CSNK2A2IP: variants seen among roughly 807,000 people sequenced by gnomAD.
CSNK2A2IP encodes casein kinase 2 subunit alpha' interacting protein, also known as casein kinase II subunit alpha'-interacting protein.
At chr3:88,452,478 A>G in the CSNK2A2IP span, among the ~76,000 whole-genome samples, 2 of 152,152 alleles carry the variant, frequency 1.3e-5, no homozygotes, top group Admixed American at 6.5e-5. Flanking sequence ...CAAGGTGAGG[A>G]TAGAGAATAT....
At chr3:88,467,594 T>C in the CSNK2A2IP span, 1 of 398,348 alleles carries the variant, frequency 2.5e-6, no homozygotes, top group Non-Finnish European at 4.4e-6. Flanking sequence ...TTTAGTCTGT[T>C]TGAAGGCATT....
chr3:88,425,529 T>G, the CSNK2A2IP span, among the ~76,000 whole-genome samples: 1 of 152,158 alleles, frequency 6.6e-6, no homozygotes, highest in Non-Finnish European at 1.5e-5. Context: ...GAATTCTGTT[T>G]TCTTGTCAAT....
the CSNK2A2IP span, among the ~76,000 whole-genome samples, chr3:88,358,676 CTGTGA>C: frequency 6.6e-6 from 1 of 152,090 alleles, no homozygotes; most frequent in Non-Finnish European, 1.5e-5. Flanking sequence ...CCTTGCATCT[CTGTGA>C]TGAATCCCAC....
the CSNK2A2IP span, among the ~76,000 whole-genome samples, chr3:88,354,782 A>G: frequency 6.6e-6 from 1 of 152,212 alleles, no homozygotes; most frequent in African/African-American, 2.4e-5. Flanking sequence ...AGCTCTAAAG[A>G]TATACTAAAG....
chr3:88,343,611 A>G, the CSNK2A2IP span, among the ~76,000 whole-genome samples: 6 of 151,972 alleles, frequency 3.9e-5, no homozygotes, highest in East Asian at 1.2e-3. Flanking sequence ...CTGATAATAA[A>G]ATATAAATTA....
chr3:88,388,903 A>C, the CSNK2A2IP span, among the ~76,000 whole-genome samples: 4 of 151,698 alleles, frequency 2.6e-5, no homozygotes. Flanking sequence ...GCACCAATTG[A>C]CTCATTCATT....
chr3:88,433,982 T>A, the CSNK2A2IP span, among the ~76,000 whole-genome samples: 1 of 152,138 alleles, frequency 6.6e-6, no homozygotes, highest in South Asian at 2.1e-4. Flanking sequence ...ATCACGCTGT[T>A]AAAAAATGTG....
the CSNK2A2IP span, among the ~76,000 whole-genome samples, chr3:88,451,774 A>G: frequency 2.1e-5 from 3 of 142,810 alleles, no homozygotes; most frequent in South Asian, 4.4e-4. Flanking sequence ...CTGAATTTAT[A>G]TTTATTCTTA....
chr3:88,434,741 G>A, the CSNK2A2IP span, among the ~76,000 whole-genome samples: 2 of 152,076 alleles, frequency 1.3e-5, no homozygotes, highest in Admixed American at 6.6e-5. Context: ...AGAAAATGAA[G>A]CCACTCACAG....
chr3:88,414,247 A>G, the CSNK2A2IP span, among the ~76,000 whole-genome samples: 8 of 142,032 alleles, frequency 5.6e-5, no homozygotes, highest in South Asian at 1.8e-3. Context: ...AACCTAAAAT[A>G]TCAGCAAAAT....
chr3:88,361,633 A>G, the CSNK2A2IP span, among the ~76,000 whole-genome samples: 1,008 of 152,154 alleles, frequency 6.6e-3, 10 homozygotes, highest in Non-Finnish European at 0.011. Context: ...GTTCTTTGAC[A>G]TTCTTTATGC....
chr3:88,422,780 T>C, the CSNK2A2IP span, among the ~76,000 whole-genome samples: 41 of 152,316 alleles, frequency 2.7e-4, no homozygotes, highest in East Asian at 7.5e-3. Context: ...GTTTCCTTTT[T>C]ATAGAATGAA....
chr3:88,352,861 T>TA, the CSNK2A2IP span, among the ~76,000 whole-genome samples: 1 of 152,192 alleles, frequency 6.6e-6, no homozygotes, highest in Non-Finnish European at 1.5e-5. Flanking sequence ...GACAGTTTAT[T>TA]ACTCTTTACT....
chr3:88,396,104 CTTT>C, the CSNK2A2IP span, among the ~76,000 whole-genome samples: 7 of 115,362 alleles, frequency 6.1e-5, no homozygotes, highest in Non-Finnish European at 5.5e-5. Context: ...CTACCTACTT[CTTT>C]TTTTTTTTTT....
chr3:88,343,775 C>A, the CSNK2A2IP span, among the ~76,000 whole-genome samples: 4 of 151,698 alleles, frequency 2.6e-5, no homozygotes, highest in African/African-American at 9.7e-5. Flanking sequence ...AGATTTTTTT[C>A]TCTTATTAGC....
the CSNK2A2IP span, among the ~76,000 whole-genome samples, chr3:88,386,800 C>T: frequency 2.0e-5 from 3 of 152,082 alleles, no homozygotes; most frequent in African/African-American, 4.8e-5. Flanking sequence ...AGTTTGACAA[C>T]GTAAGTGGGT....
At chr3:88,382,742 C>A in the CSNK2A2IP span, 6 of 152,192 alleles carry the variant, frequency 3.9e-5, no homozygotes, top group East Asian at 7.7e-4. Context: ...CCTAGGAGAT[C>A]TGTCCCCCTG....
chr3:88,443,365 A>G, the CSNK2A2IP span, among the ~76,000 whole-genome samples: 1 of 152,190 alleles, frequency 6.6e-6, no homozygotes, highest in African/African-American at 2.4e-5. Context: ...TTGATATGAA[A>G]AAGAAGAAAG....
At chr3:88,409,186 T>A in the CSNK2A2IP span, among the ~76,000 whole-genome samples, 3 of 152,088 alleles carry the variant, frequency 2.0e-5, 1 homozygote, top group African/African-American at 7.3e-5. Context: ...AATTTTATTA[T>A]CACAATGGGT....
Sources: allele counts gnomAD v4.1 joint callset (sites outside exome capture counted in the v4.1 genomes callset), GRCh38; gene constraint gnomAD v4.1.1; transcripts MANE v1.5; gene names NCBI Gene and HGNC (gene_info 2026-07-23, HGNC 2026-07-21).